Variants in ALK observed in about 807,000 individuals in gnomAD.
ALK encodes the protein ALK tyrosine kinase receptor.
Under a neutral mutation model 163.1 loss-of-function variants are expected in ALK, and 74 were observed. The ratio of observed to expected loss-of-function variants is 0.45; its 90% CI spans 0.38 to 0.55. The LOEUF is 0.55. ALK is among the 20% of genes least tolerant of loss of function. The pLI, the probability that ALK is intolerant of heterozygous loss-of-function variation, is 0.00. For missense variants in ALK, 2,063 were observed against 2,105.3 expected, an observed-to-expected ratio of 0.98 and a Z score of 0.39; for synonymous variants, 960 against 843.2, an observed-to-expected ratio of 1.14 and a Z score of -2.40.
At chr2:29,413,356 T>C (rs1669778500) in intron 4 of ALK, among the ~76,000 whole-genome samples, 1 of 152,056 alleles carries the variant, frequency 6.6e-6, no homozygotes, top group African/African-American at 2.4e-5. Flanking sequence ...TGTTATCTTT[T>C]TTTTTTTTGA....
chr2:29,458,094 C>T (rs1462863927), intron 4 of ALK, among the ~76,000 whole-genome samples: 3 of 152,200 alleles, frequency 2.0e-5, no homozygotes, highest in African/African-American at 7.2e-5. Flanking sequence ...AACCTATAAT[C>T]GTGTTTAACA....
At chr2:29,330,641 A>G (rs1264873804) in intron 5 of ALK, among the ~76,000 whole-genome samples, 3 of 152,212 alleles carry the variant, frequency 2.0e-5, no homozygotes, top group African/African-American at 7.2e-5. Flanking sequence ...ATGTGGTAAA[A>G]GAGGCTTTGC....
At chr2:29,803,737 A>C (rs1466483497) in intron 1 of ALK, among the ~76,000 whole-genome samples, 1 of 152,178 alleles carries the variant, frequency 6.6e-6, no homozygotes, top group Admixed American at 6.5e-5. Flanking sequence ...ATGTAGATTT[A>C]AGAAGTAATG....
At chr2:29,844,989 G>A (rs528977902) in intron 1 of ALK, among the ~76,000 whole-genome samples, 2 of 152,114 alleles carry the variant, frequency 1.3e-5, no homozygotes, top group African/African-American at 4.8e-5. Flanking sequence ...TGGGGGTTCC[G>A]GGGCTGTCGT....
chr2:29,294,384 T>C (rs1666122240), intron 9 of ALK, among the ~76,000 whole-genome samples: 1 of 152,348 alleles, frequency 6.6e-6, no homozygotes, highest in Middle Eastern at 3.4e-3. Context: ...TGACTGGTTA[T>C]ATTGCTAAAT....
chr2:29,675,078 A>C (rs1287457884), intron 3 of ALK, among the ~76,000 whole-genome samples: 2 of 151,430 alleles, frequency 1.3e-5, no homozygotes, highest in East Asian at 1.9e-4. Flanking sequence ...TTTCTTTATT[A>C]GTCTTGCTAG....
chr2:29,681,351 A>G (rs1270538018), intron 3 of ALK: 1 of 152,168 alleles, frequency 6.6e-6, no homozygotes, highest in East Asian at 1.9e-4. Context: ...CTGGATTTCT[A>G]TGGGTACTTC....
At chr2:29,890,906 G>A (rs758939274) in intron 1 of ALK, 1 of 152,134 alleles carries the variant, frequency 6.6e-6, no homozygotes, top group Non-Finnish European at 1.5e-5. Flanking sequence ...TAATAAAAGA[G>A]GAACTGAATA....
At chr2:29,598,048 G>T (rs1226342219) in intron 3 of ALK, among the ~76,000 whole-genome samples, 1 of 152,184 alleles carries the variant, frequency 6.6e-6, no homozygotes, top group African/African-American at 2.4e-5. Flanking sequence ...ATTTTTTGGA[G>T]TCAGAGTATC....
At chr2:29,589,549 G>A (rs1271078734) in intron 3 of ALK, among the ~76,000 whole-genome samples, 2 of 152,188 alleles carry the variant, frequency 1.3e-5, no homozygotes, top group Non-Finnish European at 2.9e-5. Flanking sequence ...CATAAGGCAG[G>A]TCTTTTGGGT....
intron 13 of ALK, among the ~76,000 whole-genome samples, chr2:29,236,452 A>G (rs1664384625): frequency 6.6e-6 from 1 of 152,130 alleles, no homozygotes; most frequent in Admixed American, 6.5e-5. Context: ...TCTTTAACCA[A>G]TATTTATTGA....
intron 3 of ALK, among the ~76,000 whole-genome samples, chr2:29,591,641 G>T (rs1273233881): frequency 6.6e-6 from 1 of 152,184 alleles, no homozygotes; most frequent in African/African-American, 2.4e-5. Flanking sequence ...CTCACTAAAG[G>T]TCAGAGAGAA....
rs113409464 is a variant in ALK at position 29,626,287 on chromosome 2, G to A, written c.952+68563C>T. 4.9e-3 allele frequency among the ~76,000 whole-genome samples: 743 copies of A among 152,258 alleles called. 7 individuals carry two copies. The highest frequency in any genetic ancestry group is 0.017 in the African/African-American group (727 of 41,546). On this transcript the variant is annotated intron_variant, in intron 3 of 28. Transcript: ENST00000389048. The stretch of plus-strand genomic sequence containing the variant: ...ATTGTAATAATCCCCACATGTCAAG[G>A]GTGGGGCCAGGTGGAGATAATTGAA...
At chr2:29,453,200 T>C (rs77971806) in intron 4 of ALK, among the ~76,000 whole-genome samples, 1 of 98,330 alleles carries the variant, frequency 1.0e-5, no homozygotes, top group Admixed American at 9.4e-5. Context: ...GTACTGTTTT[T>C]GCAACTCTTA....
chr2:29,366,353 A>G (rs76363974), intron 5 of ALK, among the ~76,000 whole-genome samples: 10,905 of 152,118 alleles, frequency 0.072, 509 homozygotes, highest in Non-Finnish European at 0.11. Context: ...GAACCAGATG[A>G]CCTGTGTGCC....
chr2:29,651,876 C>T (rs1315135161), intron 3 of ALK, among the ~76,000 whole-genome samples: 1 of 152,134 alleles, frequency 6.6e-6, no homozygotes, highest in Non-Finnish European at 1.5e-5. Context: ...AATACAATAG[C>T]CTCTTGGGAA....
intron 5 of ALK, among the ~76,000 whole-genome samples, chr2:29,328,931 C>A (rs1667357152): frequency 6.6e-6 from 1 of 152,178 alleles, no homozygotes; most frequent in African/African-American, 2.4e-5. Flanking sequence ...CCAGGTTCTA[C>A]CACTGGAGTG....
intron 1 of ALK, among the ~76,000 whole-genome samples, chr2:29,738,311 G>A (rs1472383434): frequency 1.3e-5 from 2 of 151,984 alleles, no homozygotes; most frequent in Admixed American, 6.5e-5. Flanking sequence ...AAAAGTAAAC[G>A]ATATATTATA....
intron 1 of ALK, among the ~76,000 whole-genome samples, chr2:29,795,314 T>C (rs940302318): frequency 6.6e-6 from 1 of 152,204 alleles, no homozygotes; most frequent in African/African-American, 2.4e-5. Context: ...TTAAATAATA[T>C]GCAGTTCTGG....
Sources: allele counts gnomAD v4.1 joint callset (sites outside exome capture counted in the v4.1 genomes callset), GRCh38; gene constraint gnomAD v4.1.1; transcripts MANE v1.5; gene names NCBI Gene and HGNC (gene_info 2026-07-23, HGNC 2026-07-21).